HECW2: variants seen among roughly 807,000 people sequenced by gnomAD.
The protein encoded by HECW2 is HECT, C2 and WW domain containing E3 ubiquitin protein ligase 2.
In HECW2, 61 loss-of-function variants were observed where a neutral mutation model predicts 175.2. The ratio of observed to expected loss-of-function variants is 0.35; its 90% CI spans 0.28 to 0.43. HECW2 has a LOEUF of 0.43. Ranked by LOEUF, HECW2 falls within the 20% of genes least tolerant of loss-of-function variation. HECW2 has a pLI of 1.00. For synonymous variants in HECW2, 671 were observed against 731.0 expected (o/e 0.92, Z 1.32); for missense variants, 1,524 against 2,000.5 (o/e 0.76, Z 4.54).
chr2:196,322,344 G>A, intron 7 of HECW2, 134 bp downstream of exon 7: 1 of 623,852 alleles, frequency 1.6e-6, no homozygotes, highest in South Asian at 3.5e-5. Context: ...TAAGTGTAAG[G>A]ACACTTTTAT....
intron 2 of HECW2, among the ~76,000 whole-genome samples, chr2:196,377,086 T>A (rs1271661368): frequency 6.6e-6 from 1 of 152,192 alleles, no homozygotes; most frequent in Admixed American, 6.5e-5. Flanking sequence ...TTTAATAACA[T>A]TAATTCCTAA....
intron 2 of HECW2, among the ~76,000 whole-genome samples, chr2:196,364,108 C>T (rs1160904429): frequency 6.6e-6 from 1 of 152,152 alleles, no homozygotes; most frequent in Non-Finnish European, 1.5e-5. Context: ...TCTCTGAATC[C>T]CACCTGAGGC....
chr2:196,205,409 T>G (rs904230687), intron 28 of HECW2, among the ~76,000 whole-genome samples: 5 of 152,134 alleles, frequency 3.3e-5, no homozygotes, highest in African/African-American at 1.2e-4. Flanking sequence ...GACTACGAAC[T>G]ATTATTCCTC....
At chr2:196,394,978 A>G (rs2125190919) in intron 2 of HECW2, among the ~76,000 whole-genome samples, 1 of 152,276 alleles carries the variant, frequency 6.6e-6, no homozygotes, top group East Asian at 1.9e-4. Flanking sequence ...CTCATAAATA[A>G]TGCCTTTTAT....
rs917184626 is a variant in HECW2 at position 196,319,254 on chromosome 2, C to T, written c.1636G>A (p.Ala546Thr). ...LAESSLPAGPAPEEGEGGPEP... is the reference protein window; with the variant it reads ...LAESSLPAGPTPEEGEGGPEP... ...GGGCCGCCTTCACCTTCCTCTGGGG[C>T]TGGGCCTGCAGGTAAGGAGCTCTCT... Residue 546 changes from alanine to threonine, a missense_variant, in exon 9 of 29, where the codon GCC becomes ACC. Transcript: ENST00000644978. 6.2e-7 allele frequency: 1 copy of T among 1,602,574 alleles called. No individual in the cohort carries two copies. The highest frequency in any genetic ancestry group is 1.3e-5 in the African/African-American group (1 of 74,726).
intron 3 of HECW2, among the ~76,000 whole-genome samples, chr2:196,337,496 A>T (rs1037160382): frequency 2.6e-5 from 4 of 151,966 alleles, no homozygotes; most frequent in Non-Finnish European, 5.9e-5. Context: ...CATCTATCCT[A>T]GCTGCTTTTT....
At chr2:196,495,213 G>A (rs572711580) in intron 1 of HECW2, among the ~76,000 whole-genome samples, 10 of 152,012 alleles carry the variant, frequency 6.6e-5, no homozygotes, top group East Asian at 3.9e-4. Context: ...GATTACAAGC[G>A]TACGCCACCA....
chr2:196,211,999 G>C (rs554458908), intron 28 of HECW2, among the ~76,000 whole-genome samples: 3 of 152,202 alleles, frequency 2.0e-5, no homozygotes, highest in African/African-American at 7.2e-5. Context: ...ACCACGCCCA[G>C]GTAATTTTTG....
At chr2:196,573,842 GAA>G (rs1690466955) in intron 1 of HECW2, among the ~76,000 whole-genome samples, 1 of 151,494 alleles carries the variant, frequency 6.6e-6, no homozygotes, top group African/African-American at 2.4e-5. Context: ...AATATACATA[GAA>G]AACCCTACAG....
intron 19 of HECW2, among the ~76,000 whole-genome samples, chr2:196,252,008 G>A (rs962291058): frequency 1.3e-5 from 2 of 151,702 alleles, no homozygotes; most frequent in African/African-American, 4.8e-5. Context: ...AGACCAGCCT[G>A]GCCAACATGA....
intron 1 of HECW2, among the ~76,000 whole-genome samples, chr2:196,481,624 G>A (rs1686847174): frequency 6.6e-6 from 1 of 152,226 alleles, no homozygotes; most frequent in East Asian, 1.9e-4. Flanking sequence ...CTTCAAAGAC[G>A]GACTTTCATA....
intron 2 of HECW2, among the ~76,000 whole-genome samples, chr2:196,356,726 T>C (rs1693381531): frequency 2.6e-5 from 4 of 152,244 alleles, no homozygotes; most frequent in Admixed American, 1.3e-4. Flanking sequence ...AGAGACCACA[T>C]TCACCTAACT....
chr2:196,536,337 CTG>C (rs768810091), intron 1 of HECW2, among the ~76,000 whole-genome samples: 12 of 152,170 alleles, frequency 7.9e-5, no homozygotes, highest in Non-Finnish European at 1.5e-4. Context: ...ACTGTAGCAG[CTG>C]TGAGAGTATT....
intron 2 of HECW2, among the ~76,000 whole-genome samples, chr2:196,380,991 T>C: frequency 6.6e-6 from 1 of 152,122 alleles, no homozygotes; most frequent in East Asian, 1.9e-4. Flanking sequence ...GGGAGCAGAA[T>C]GTGGTGGTGG....
intron 2 of HECW2, among the ~76,000 whole-genome samples, chr2:196,431,625 A>C (rs1695715925): frequency 6.6e-6 from 1 of 152,212 alleles, no homozygotes; most frequent in Non-Finnish European, 1.5e-5. Flanking sequence ...AATTACATTC[A>C]AATCAAAAGG....
chr2:196,538,559 T>C (rs1021302414), intron 1 of HECW2, among the ~76,000 whole-genome samples: 3 of 152,186 alleles, frequency 2.0e-5, no homozygotes, highest in African/African-American at 7.2e-5. Context: ...TAGATTAGTC[T>C]TGTATCAGGG....
In HECW2 at chr2:196,217,008, C is replaced by A; in HGVS notation, c.4494G>T (p.Gln1498His). The change falls in exon 27 of 29, where the codon CAG becomes CAT. Residue 1498 changes from glutamine to histidine, a missense_variant and splice_region_variant. Coordinates refer to ENST00000644978, the MANE Select transcript of HECW2 (RefSeq NM_001348768.2). The stretch of plus-strand genomic sequence containing the variant: ...AAAAGATTAAATAATGGCATCTCAC[C>A]TGTAACAACCTTAGTCGTTGTTCAT... ...FNNEQRLRLL[Q>H]FVTGTSSIPY... 1 of 1,503,540 alleles carries A rather than the reference C, an allele frequency of 6.7e-7. No individual in the cohort carries two copies. Among genetic ancestry groups the A allele is most frequent in the Non-Finnish European group, 8.8e-7 (1 of 1,130,222 alleles). The allele number at this position is 1,503,540 out of a possible 1,614,324, so 93.1% of individuals were successfully genotyped here. A position where few individuals can be genotyped will look rare whatever the true frequency, so the allele number is the denominator to read the frequency against.
At chr2:196,552,292 G>T (rs1479783422) in intron 1 of HECW2, among the ~76,000 whole-genome samples, 2 of 152,210 alleles carry the variant, frequency 1.3e-5, no homozygotes, top group African/African-American at 4.8e-5. Flanking sequence ...GTTTGTGTGA[G>T]AAAACGTTTA....
In HECW2 at chr2:196,395,806, T is replaced by A. The variant is rs544408937; in HGVS notation, c.292+37326A>T. 2.0e-5 allele frequency among the ~76,000 whole-genome samples: 3 copies of A among 152,160 alleles called. No individual in the cohort carries two copies. In the South Asian group the frequency reaches 6.2e-4, roughly 32 times the overall value. The stretch of plus-strand genomic sequence containing the variant: ...AGAATGTGAAATGGTGCAGCTGCTA[T>A]GAAAAATTATACGGTAATTCTTCAA... On this transcript the variant is annotated intron_variant, in intron 2 of 28. Transcript: ENST00000644978.
Sources: gnomAD v4.1 joint callset for allele counts (sites outside exome capture counted in the v4.1 genomes callset) on GRCh38, gnomAD v4.1.1 for gene constraint, MANE v1.5 for transcripts, NCBI Gene and HGNC (gene_info 2026-07-23, HGNC 2026-07-21) for gene names.